Variants in KLC1 observed in about 807,000 individuals in gnomAD.
KLC1 encodes kinesin 2 60/70kDa.
In KLC1, 30 loss-of-function variants were observed where a neutral mutation model predicts 84.2. The ratio of observed to expected loss-of-function variants is 0.36; its 90% confidence interval spans 0.27 to 0.48. The LOEUF (loss-of-function observed/expected upper bound fraction) is 0.48, where lower values mean the gene tolerates loss of function less well. Among genes scored for constraint, KLC1 ranks in the 20% least tolerant of loss-of-function variants. The pLI is 0.99. For synonymous variants in KLC1, 289 were observed against 293.3 expected (o/e 0.99, Z 0.15); for missense variants, 499 against 805.4 (o/e 0.62, Z 4.60).
At chr14:103,671,370 T>C (rs2080373939) in intron 7 of KLC1, among the ~76,000 whole-genome samples, 1 of 152,000 alleles carries the variant, frequency 6.6e-6, no homozygotes, top group African/African-American at 2.4e-5. Flanking sequence ...TGACCACAAA[T>C]TGTGTTTTTT....
Position 103,673,170 on chromosome 14 carries a change from A to G in KLC1, c.1144A>G (p.Lys382Glu). Reference protein sequence around the residue: ...KLGPDDPNVAKTKNNLASCYL... With the variant: ...KLGPDDPNVAETKNNLASCYL... ...GGGACCTGATGACCCCAACGTGGCT[A>G]AGACGAAAAATAACCTGGTGTGTTG... The change falls in exon 8 of 17, where the codon AAG (lysine) becomes GAG (glutamate). Residue 382 changes from lysine (K) to glutamate (E), a missense_variant. Lys to Glu is a moderately conservative substitution (Grantham distance 56). Transcript: ENST00000334553. 6.2e-7 allele frequency: 1 copy of G among 1,613,042 alleles called. No homozygotes were observed. Among genetic ancestry groups the G allele is most frequent in the Non-Finnish European group, 8.5e-7 (1 of 1,179,596 alleles).
chr14:103,638,743 G>A (rs550996767), intron 1 of KLC1, among the ~76,000 whole-genome samples: 1 of 151,034 alleles, frequency 6.6e-6, no homozygotes, highest in South Asian at 2.1e-4. Context: ...ACACAGTGGG[G>A]TGTGTGGGTG....
At chr14:103,668,065 T>G (rs1035900039) in intron 5 of KLC1, among the ~76,000 whole-genome samples, 2 of 152,236 alleles carry the variant, frequency 1.3e-5, no homozygotes, top group South Asian at 2.1e-4. Flanking sequence ...TTTTAAAATA[T>G]TTTTTCAGTA....
At chr14:103,696,312 C>T (rs985809052) in intron 15 of KLC1, 48 of 985,176 alleles carry the variant, frequency 4.9e-5, no homozygotes, top group African/African-American at 7.0e-5. Flanking sequence ...CGGTGGTGCC[C>T]GCGGGTGGCA....
chr14:103,637,182 C>T (rs115470824), intron 1 of KLC1, among the ~76,000 whole-genome samples: 2,471 of 151,996 alleles, frequency 0.016, 65 homozygotes, highest in African/African-American at 0.056. Context: ...TTGGTAGTGC[C>T]TTTTAATAAA....
intron 14 of KLC1, 117 bp downstream of exon 14, chr14:103,687,328 G>T: frequency 9.4e-7 from 1 of 1,061,674 alleles, no homozygotes; most frequent in Non-Finnish European, 1.3e-6. Context: ...GTTGGTTCCC[G>T]TATTCTCACA....
At chr14:103,645,960 G>T (rs1355027627) in intron 1 of KLC1, among the ~76,000 whole-genome samples, 1 of 151,876 alleles carries the variant, frequency 6.6e-6, no homozygotes, top group Non-Finnish European at 1.5e-5. Context: ...GGGTTTCATC[G>T]TGTTAGCCAG....
chr14:103,698,722 G>A (rs1289795011), intron 15 of KLC1: 5 of 1,361,752 alleles, frequency 3.7e-6, no homozygotes, highest in Non-Finnish European at 5.1e-6. Context: ...CCACGGCCCA[G>A]GCAGACGCGT....
rs548432213 is a variant in KLC1, at chr14:103,657,422, A to G, written c.262-124A>G. 57 of 676,566 alleles carry G rather than the reference A, an allele frequency of 8.4e-5. No homozygotes were observed. In the East Asian group the frequency reaches 1.4e-3, roughly 17 times the overall value. The allele number at this position is 676,566 out of a possible 1,614,324, so 41.9% of individuals were successfully genotyped here. A position where few individuals can be genotyped will look rare whatever the true frequency, so the allele number is the denominator to read the frequency against. On this transcript the variant is annotated intron_variant, in intron 2 of 16. Transcript: ENST00000334553. ...GAAGTAAATGGCAGATTGTACTTAT[A>G]TGTACTTTGGAGAAAATATCTGCGA...
chr14:103,699,088 C>T, intron 15 of KLC1: 1 of 1,565,290 alleles, frequency 6.4e-7, no homozygotes, highest in Non-Finnish European at 8.7e-7. Context: ...CAGCTGTGCC[C>T]CTGGCACCTG....
At chr14:103,646,903 T>G (rs947387965) in intron 1 of KLC1, among the ~76,000 whole-genome samples, 2 of 152,166 alleles carry the variant, frequency 1.3e-5, no homozygotes, top group African/African-American at 2.4e-5. Context: ...TCAGCCACAG[T>G]GTCCAGCATA....
chr14:103,677,925 C>A (rs1284953063), intron 12 of KLC1, among the ~76,000 whole-genome samples: 1 of 150,670 alleles, frequency 6.6e-6, no homozygotes, highest in Non-Finnish European at 1.5e-5. Flanking sequence ...CGATATCATG[C>A]CACTGCACTC....
Position 103,673,488 on chromosome 14 carries a change from G to A in KLC1, c.1261+57G>A, listed in dbSNP as rs1220004741. Reference sequence around the variant, plus strand: ...TAATTGTATAATGACTTGACTAATAGTAATATACTAATAGTATTAGTTACT... The same window carrying A: ...TAATTGTATAATGACTTGACTAATAATAATATACTAATAGTATTAGTTACT... On this transcript the variant is annotated intron_variant, in intron 9 of 16. Coordinates refer to ENST00000334553, the MANE Select transcript of KLC1 (RefSeq NM_001394837.1). 3.8e-6 allele frequency: 4 copies of A among 1,058,746 alleles called. No homozygotes were observed. The African/African-American group carries it at 6.5e-5, about 17-fold the overall frequency. 65.6% of individuals were successfully genotyped at this position (1,058,746 alleles called of 1,614,324 possible). A position where few individuals can be genotyped will look rare whatever the true frequency, so the allele number is the denominator to read the frequency against.
intron 15 of KLC1, chr14:103,695,556 C>T: frequency 1.0e-6 from 1 of 985,294 alleles, no homozygotes; most frequent in Non-Finnish European, 1.2e-6. Flanking sequence ...TGTGAGGATG[C>T]TGAGCAGAGT....
chr14:103,674,923 C>G (rs1278216438), intron 9 of KLC1, among the ~76,000 whole-genome samples: 1 of 152,234 alleles, frequency 6.6e-6, no homozygotes, highest in Non-Finnish European at 1.5e-5. Flanking sequence ...ATTCTGTACC[C>G]TGTGTCTTAC....
At chr14:103,676,038 TGCCAGCAG>T (rs2080846979) in intron 11 of KLC1, among the ~76,000 whole-genome samples, 1 of 152,232 alleles carries the variant, frequency 6.6e-6, no homozygotes, top group Non-Finnish European at 1.5e-5. Context: ...ATGAGAAGCA[TGCCAGCAG>T]GCCTGGGAAA....
intron 1 of KLC1, among the ~76,000 whole-genome samples, chr14:103,648,386 C>G (rs1396262042): frequency 6.6e-6 from 1 of 152,124 alleles, no homozygotes; most frequent in Non-Finnish European, 1.5e-5. Flanking sequence ...GGTATTTAAT[C>G]AGAGGTCCCA....
rs147622515 is a variant in KLC1, at chr14:103,647,141, T to TA, written c.-1-7422dup. Among the ~76,000 whole-genome samples the TA allele has an allele frequency of 3.0e-3, 464 of 152,318 alleles. 8 individuals carry two copies. The East Asian group carries it at 0.042, about 14-fold the overall frequency. On this transcript the variant is annotated intron_variant, in intron 1 of 16. Coordinates refer to ENST00000334553, the MANE Select transcript of KLC1 (RefSeq NM_001394837.1). ...TTGAATAATACAAACATGCTACAGT[T>TA]ACCTTGTCTATCCGAACTGTTAAGC...
At chr14:103,678,689 CAAAG>C (rs1212461091) in intron 12 of KLC1, among the ~76,000 whole-genome samples, 3 of 144,854 alleles carry the variant, frequency 2.1e-5, no homozygotes, top group South Asian at 2.2e-4. Context: ...GACCCTGTCT[CAAAG>C]AAAGAAAAAA....
Sources: allele counts gnomAD v4.1 joint callset (sites outside exome capture counted in the v4.1 genomes callset), GRCh38; gene constraint gnomAD v4.1.1; transcripts MANE v1.5; gene names NCBI Gene and HGNC (gene_info 2026-07-23, HGNC 2026-07-21).